The following DLL4 variants were observed in gnomAD, a reference collection of about 807,000 sequenced individuals.
DLL4 encodes the protein delta like canonical Notch ligand 4, also known as delta-like protein 4.
In DLL4, 7 loss-of-function variants were observed where a neutral mutation model predicts 73.6. The ratio of observed to expected loss-of-function variants is 0.10; its 90% confidence interval spans 0.05 to 0.18. The LOEUF is 0.18. DLL4 is among the 10% of genes least tolerant of loss of function. The pLI is 1.00. For synonymous variants in DLL4, 345 were observed against 374.3 expected (o/e 0.92, Z 0.90); for missense variants, 614 against 929.9 (o/e 0.66, Z 4.42).
rs185900485 is a variant in DLL4, at chr15:40,938,851, C to T, written c.*817C>T. ...TCCCTCAAGCCCATCTCCACAACCT[C>T]GAGCCTGGGCTCTGGTCCACTACTG... On this transcript the variant is annotated 3_prime_UTR_variant, in exon 11 of 11. Coordinates refer to ENST00000249749, the MANE Select transcript of DLL4 (RefSeq NM_019074.4). 10 of 152,472 alleles carry T rather than the reference C, an allele frequency of 6.6e-5. No homozygotes were observed. Among genetic ancestry groups the T allele is most frequent in the African/African-American group, 1.4e-4 (6 of 41,416 alleles). 9.4% of individuals were successfully genotyped at this position (152,472 alleles called of 1,614,324 possible). A position where few individuals can be genotyped will look rare whatever the true frequency, so the allele number is the denominator to read the frequency against.
chr15:40,937,434 C>T lies in DLL4; in HGVS notation c.1960C>T (p.Arg654Trp), dbSNP rs761536904. ...TTCCCTCAGTGAAAAGCCAGAGTGT[C>T]GGATATCAGCGATATGCTCCCCCAG... ...LRLHSEKPEC[R>W]ISAICSPRDS... Residue 654 changes from arginine to tryptophan, a missense_variant, in exon 10 of 11, where the codon CGG (arginine) becomes TGG (tryptophan). Physicochemically the swap from Arg to Trp is moderately radical, Grantham distance 101. This residue lies in a region of DLL4 where 386 missense variants were observed against 541.3 expected (regional missense o/e 0.71). Transcript: ENST00000249749. 2.1e-5 allele frequency: 34 copies of T among 1,613,106 alleles called. No individual in the cohort carries two copies. The highest frequency in any genetic ancestry group is 1.5e-4 in the South Asian group (14 of 91,058).
At chr15:40,932,513 AT>A (rs1669783253) in intron 6 of DLL4, 66 bp downstream of exon 6, 2 of 1,584,608 alleles carry the variant, frequency 1.3e-6, no homozygotes, top group African/African-American at 2.7e-5. Flanking sequence ...TGGAAATCCG[AT>A]TCGTCACCTG....
At chr15:40,933,308 T>G (rs1892796206) in intron 6 of DLL4, among the ~76,000 whole-genome samples, 1 of 147,332 alleles carries the variant, frequency 6.8e-6, no homozygotes, top group Admixed American at 6.8e-5. Flanking sequence ...GTCTGTCCCT[T>G]TACTACCATC....
chr15:40,935,644 C>G (rs1338217263), intron 8 of DLL4, among the ~76,000 whole-genome samples: 2 of 152,174 alleles, frequency 1.3e-5, no homozygotes, highest in Non-Finnish European at 2.9e-5. Context: ...CGCTCAGGAG[C>G]TGGAGAGGGG....
At chr15:40,932,269 C>G (rs1343383023) in intron 5 of DLL4, 38 bp downstream of exon 5, 2 of 1,614,006 alleles carry the variant, frequency 1.2e-6, no homozygotes, top group East Asian at 4.5e-5. Flanking sequence ...GGGAGCCCTC[C>G]CTTGGCCAAG....
At chr15:40,934,821 C>G in intron 7 of DLL4, 77 bp from the exon 8 acceptor site, 1 of 1,584,140 alleles carries the variant, frequency 6.3e-7, no homozygotes, top group Non-Finnish European at 8.6e-7. Flanking sequence ...GCATTGTGGG[C>G]AGGTGGAGCC....
intron 8 of DLL4, 105 bp downstream of exon 8, chr15:40,935,222 G>GC: frequency 2.7e-6 from 3 of 1,129,738 alleles, no homozygotes; most frequent in Non-Finnish European, 2.5e-6. Context: ...TGCCACTCTG[G>GC]CCCCCCATCT....
chr15:40,933,271 T>C (rs1176917287), intron 6 of DLL4, among the ~76,000 whole-genome samples: 1 of 143,492 alleles, frequency 7.0e-6, no homozygotes, highest in Non-Finnish European at 1.5e-5. Flanking sequence ...CCCTGTGTTG[T>C]GTGTGTGTGT....
chr15:40,936,481 C>T lies in DLL4; in HGVS notation c.1494C>T (p.Asp498=), dbSNP rs1423133235. The T allele has an allele frequency of 6.2e-7, 1 of 1,611,092 alleles. No homozygotes were observed. The highest frequency in any genetic ancestry group is 8.5e-7 in the Non-Finnish European group (1 of 1,179,524). ...TCAACAGGGCCACCTGCTACACCGACCTCTCCACAGACACCTTTGTGTGCA... is the reference window on the plus strand; with the variant it reads ...TCAACAGGGCCACCTGCTACACCGATCTCTCCACAGACACCTTTGTGTGCA... ...PCFNRATCYT[D]LSTDTFVCNC... Residue 498 remains aspartate, a synonymous_variant, in exon 9 of 11, where the codon GAC becomes GAT. Transcript: ENST00000249749.
At chr15:40,934,856 C>A in intron 7 of DLL4, 42 bp from the exon 8 acceptor site, 1 of 1,599,096 alleles carries the variant, frequency 6.3e-7, no homozygotes, top group Non-Finnish European at 8.6e-7. Flanking sequence ...ACATCCCTGC[C>A]CCCCAGGGTC....
chr15:40,936,095 T>C, intron 8 of DLL4, 133 bp from the exon 9 acceptor site: 1 of 720,588 alleles, frequency 1.4e-6, no homozygotes, highest in Admixed American at 3.0e-5. Flanking sequence ...CCTGACTCTG[T>C]GCAGTTCTCT....
At position 40,930,972 on chromosome 15, in the gene DLL4, C is replaced by T. The variant is rs910694082; in HGVS notation, c.394+290C>T. ...GCCCCTTCCTGTATTTTACACCTTT[C>T]GCGAATTCCGCTCCTTTGGAAAGGG... On this transcript the variant is annotated intron_variant, in intron 3 of 10. Transcript: ENST00000249749. The surrounding 1 kb of genome is among the most constrained non-coding windows in gnomAD (Gnocchi z 5.7). The T allele has an allele frequency of 7.5e-6, 4 of 534,588 alleles. No individual in the cohort carries two copies. Among genetic ancestry groups the T allele is most frequent in the South Asian group, 2.5e-5 (1 of 40,702 alleles). The allele number at this position is 534,588 out of a possible 1,614,324, so 33.1% of individuals were successfully genotyped here.
chr15:40,932,082 G>A (rs3212279), intron 4 of DLL4, 89 bp from the exon 5 acceptor site: 28 of 1,470,596 alleles, frequency 1.9e-5, no homozygotes, highest in Non-Finnish European at 2.6e-5. Context: ...GCCCAGGAGA[G>A]CTAGGGGATC....
chr15:40,930,707 AG>A lies in DLL4; in HGVS notation c.394+31del. ...GGTGAGTAGCTCGCTCCGCCACCAC[AG>A]GGGGGCGACACGGCGCAGCGCCGAA... On this transcript the variant is annotated intron_variant, in intron 3 of 10. Transcript: ENST00000249749. The surrounding 1 kb of genome is among the most constrained non-coding windows in gnomAD (Gnocchi z 5.7). The A allele has an allele frequency of 2.5e-6, 4 of 1,609,738 alleles. No individual in the cohort carries two copies. The highest frequency in any genetic ancestry group is 3.4e-6 in the Non-Finnish European group (4 of 1,176,752).
chr15:40,933,485 C>A (rs1239420590), intron 6 of DLL4, among the ~76,000 whole-genome samples: 4 of 152,174 alleles, frequency 2.6e-5, no homozygotes, highest in Admixed American at 2.6e-4. Context: ...AATAAAAAAA[C>A]AAATACTTAT....
At chr15:40,934,388 A>T (rs1239776230) in intron 6 of DLL4, among the ~76,000 whole-genome samples, 160 bp from the exon 7 acceptor site, 2 of 152,056 alleles carry the variant, frequency 1.3e-5, no homozygotes, top group Non-Finnish European at 2.9e-5. Context: ...AAGAGAAAGA[A>T]AAAAGATTTT....
At chr15:40,934,265 G>A (rs569828533) in intron 6 of DLL4, among the ~76,000 whole-genome samples, 6 of 149,810 alleles carry the variant, frequency 4.0e-5, no homozygotes, top group Non-Finnish European at 8.9e-5. Flanking sequence ...GGCGAAGGTT[G>A]TAGTGAGCCT....
chr15:40,930,124 C>T lies in DLL4; in HGVS notation c.336+8C>T, dbSNP rs767635802. On this transcript the variant is annotated splice_region_variant and intron_variant, in intron 2 of 10. Transcript: ENST00000249749. The surrounding 1 kb of genome is among the most constrained non-coding windows in gnomAD (Gnocchi z 5.7). The stretch of plus-strand genomic sequence containing the variant: ...TTCAATTTCACCTGGCCGGTGAGCA[C>T]AGCCTGGGCGCACTGGGAGGTCGCA... 4 of 1,604,456 alleles carry T rather than the reference C, an allele frequency of 2.5e-6. No homozygotes were observed. The highest frequency in any genetic ancestry group is 2.5e-6 in the Non-Finnish European group (3 of 1,176,562).
In DLL4 at chr15:40,936,706, C is replaced by A. The variant is rs746839741; in HGVS notation, c.1719C>A (p.Asp573Glu). 1.2e-6 allele frequency: 2 copies of A among 1,613,628 alleles called. No individual in the cohort carries two copies. Among genetic ancestry groups the A allele is most frequent in the Admixed American group, 1.7e-5 (1 of 60,008 alleles). Residue 573 changes from aspartate (D) to glutamate (E), a missense_variant, in exon 9 of 11, where the codon GAC becomes GAA. Asp to Glu is a conservative substitution (Grantham distance 45). This residue lies in a region of DLL4 where 386 missense variants were observed against 541.3 expected (regional missense o/e 0.71). Coordinates refer to ENST00000249749, the MANE Select transcript of DLL4 (RefSeq NM_019074.4). ...GSREAMNNLS[D>E]FQKDNLIPAA... ...GGGAAGCCATGAACAACTTGTCGGA[C>A]TTCCAGAAGGACAACCTGATTCCTG...
Sources: gnomAD v4.1 joint callset for allele counts (sites outside exome capture counted in the v4.1 genomes callset) on GRCh38, gnomAD v4.1.1 for gene constraint, gnomAD v4.1.1 regional missense constraint, Gnocchi (gnomAD v3.1) non-coding constraint, MANE v1.5 for transcripts, NCBI Gene and HGNC (gene_info 2026-07-23, HGNC 2026-07-21) for gene names.